Variants in SCARB2 observed in about 807,000 individuals in gnomAD.
SCARB2 encodes scavenger receptor class B member 2.
In SCARB2, 29 loss-of-function variants were observed where a neutral mutation model predicts 58.6. The observed-to-expected ratio is 0.49, with a 90% confidence interval of 0.37 to 0.67. The LOEUF (loss-of-function observed/expected upper bound fraction) is 0.67, where lower values mean the gene tolerates loss of function less well. Among genes scored for constraint, SCARB2 ranks in the 30% least tolerant of loss-of-function variants. SCARB2 has a pLI of 0.00. For synonymous variants in SCARB2, 195 were observed against 210.1 expected (o/e 0.93, Z 0.62); for missense variants, 488 against 578.5 (o/e 0.84, Z 1.60).
At chr4:76,169,744 T>C in intron 8 of SCARB2, 123 bp downstream of exon 8, 1 of 848,426 alleles carries the variant, frequency 1.2e-6, no homozygotes, top group Non-Finnish European at 2.0e-6. Flanking sequence ...GCTGAATTTC[T>C]CCCACTTGAA....
intron 1 of SCARB2, among the ~76,000 whole-genome samples, chr4:76,207,391 A>ATT: frequency 6.6e-5 from 10 of 152,320 alleles, no homozygotes; most frequent in African/African-American, 2.4e-4. Context: ...CAGGAGTTTA[A>ATT]ATTGGATTAT....
intron 7 of SCARB2, chr4:76,172,573 C>T (rs1345006111): frequency 2.6e-5 from 4 of 152,142 alleles, no homozygotes; most frequent in Non-Finnish European, 5.9e-5. Flanking sequence ...TAATAACTCT[C>T]CAGATAATTC....
At chr4:76,168,855 C>T (rs1382495180) in intron 8 of SCARB2, among the ~76,000 whole-genome samples, 1 of 152,252 alleles carries the variant, frequency 6.6e-6, no homozygotes, top group East Asian at 1.9e-4. Context: ...TCTGGATTTC[C>T]AGGCAGTTGT....
In SCARB2 at chr4:76,195,774, T is replaced by C; in HGVS notation, c.208A>G (p.Thr70Ala). Residue 70 changes from threonine to alanine, a missense_variant, in exon 2 of 12, where the codon ACC becomes GCC. Coordinates refer to ENST00000264896, the MANE Select transcript of SCARB2 (RefSeq NM_005506.4). ...CCTCTGAGGATCTCCTCTGGATTGG[T>C]GACATTGAAGAAATAGAACTGAGTA... ...VYTQFYFFNV[T>A]NPEEILRGET... 1.2e-6 allele frequency: 2 copies of C among 1,613,918 alleles called. No individual in the cohort carries two copies. The highest frequency in any genetic ancestry group is 1.7e-6 in the Non-Finnish European group (2 of 1,179,808).
upstream of SCARB2, among the ~76,000 whole-genome samples, chr4:76,216,147 C>T (rs922049994): frequency 6.6e-6 from 1 of 152,138 alleles, no homozygotes. Flanking sequence ...TTTCTCTTCC[C>T]CTAATCCTGC....
chr4:76,213,314 C>T (rs569003103), intron 1 of SCARB2, 113 bp downstream of exon 1: 50 of 773,952 alleles, frequency 6.5e-5, no homozygotes, highest in South Asian at 4.8e-4. Flanking sequence ...AAGAAGAGCT[C>T]TAGCGCGGAG....
chr4:76,215,446 CAGTT>C (rs752906131), upstream of SCARB2, among the ~76,000 whole-genome samples: 1 of 152,192 alleles, frequency 6.6e-6, no homozygotes, highest in Non-Finnish European at 1.5e-5. Context: ...GACAGCAAAT[CAGTT>C]AGGAGGCTTT....
chr4:76,188,742 G>A (rs1732538675), intron 2 of SCARB2, among the ~76,000 whole-genome samples: 1 of 152,200 alleles, frequency 6.6e-6, no homozygotes, highest in Admixed American at 6.5e-5. Context: ...ATCAAATCCA[G>A]TGAATGACCG....
intron 7 of SCARB2, among the ~76,000 whole-genome samples, chr4:76,171,867 T>C (rs1732135418): frequency 6.6e-6 from 1 of 152,036 alleles, no homozygotes; most frequent in South Asian, 2.1e-4. Flanking sequence ...ACGCCATCTT[T>C]ATGGAAATCA....
intron 3 of SCARB2, chr4:76,180,147 G>A (rs1014154249): frequency 2.7e-5 from 6 of 223,504 alleles, no homozygotes; most frequent in Admixed American, 2.1e-4. Context: ...CATATGGAGC[G>A]GTCACCTAGG....
Position 76,179,703 on chromosome 4 carries a change from A to G in SCARB2, c.426T>C (p.Thr142=). 6.2e-7 allele frequency: 1 copy of G among 1,612,976 alleles called. No homozygotes were observed. The highest frequency in any genetic ancestry group is 8.5e-7 in the Non-Finnish European group (1 of 1,179,254). ...LIRTLNIPVL[T]VIEWSQVHFL... ...AGTGCACCTGGGACCACTCTATGAC[A>G]GTCTGCGGAGCAGAGGTATATTAAG... Residue 142 remains threonine, a splice_region_variant and synonymous_variant, in exon 4 of 12, where the codon ACT becomes ACC. Coordinates refer to ENST00000264896, the MANE Select transcript of SCARB2 (RefSeq NM_005506.4).
At chr4:76,171,161 T>G (rs1732121795) in intron 7 of SCARB2, among the ~76,000 whole-genome samples, 1 of 152,078 alleles carries the variant, frequency 6.6e-6, no homozygotes, top group African/African-American at 2.4e-5. Context: ...ATCTCTCACA[T>G]GCACATGCAT....
chr4:76,221,444 G>T (rs1428187983), intron 1 of SCARB2, among the ~76,000 whole-genome samples: 1 of 152,030 alleles, frequency 6.6e-6, no homozygotes, highest in Non-Finnish European at 1.5e-5. Flanking sequence ...TCAGCCTCCC[G>T]AGTAGCTGGG....
At chr4:76,182,462 T>A (rs1692026437) in intron 2 of SCARB2, among the ~76,000 whole-genome samples, 1 of 152,234 alleles carries the variant, frequency 6.6e-6, no homozygotes, top group South Asian at 2.1e-4. Flanking sequence ...TTCTACTTTT[T>A]AAAAAATGTG....
chr4:76,166,195 A>G, intron 10 of SCARB2, 55 bp downstream of exon 10: 1 of 1,540,430 alleles, frequency 6.5e-7, no homozygotes. Context: ...AGACATCATA[A>G]TGGATTTTTT....
At position 76,195,768 on chromosome 4, in the gene SCARB2, G is replaced by A; in HGVS notation, c.214C>T (p.Pro72Ser). ...GTCTCCCCTCTGAGGATCTCCTCTG[G>A]ATTGGTGACATTGAAGAAATAGAAC... ...TQFYFFNVTN[P>S]EEILRGETPR... Residue 72 changes from proline to serine, a missense_variant, in exon 2 of 12, where the codon CCA (proline) becomes TCA (serine). By Grantham distance (74) the Pro-to-Ser change is moderately conservative. Coordinates refer to ENST00000264896, the MANE Select transcript of SCARB2 (RefSeq NM_005506.4). 1 of 1,614,018 alleles carries A rather than the reference G, an allele frequency of 6.2e-7. No homozygotes were observed. The highest frequency in any genetic ancestry group is 8.5e-7 in the Non-Finnish European group (1 of 1,179,882).
chr4:76,165,395 A>C (rs1731985797), intron 10 of SCARB2: 1 of 152,204 alleles, frequency 6.6e-6, no homozygotes, highest in Non-Finnish European at 1.5e-5. Context: ...AGACCAGAAA[A>C]TATCAGGAGT....
intron 8 of SCARB2, among the ~76,000 whole-genome samples, chr4:76,169,317 T>TAC (rs1553947566): frequency 0.017 from 2,111 of 127,396 alleles, 22 homozygotes; most frequent in Middle Eastern, 0.031. Context: ...ATGTGTATTA[T>TAC]ACACACACAC....
At chr4:76,171,989 C>T (rs1236205158) in intron 7 of SCARB2, among the ~76,000 whole-genome samples, 3 of 150,098 alleles carry the variant, frequency 2.0e-5, no homozygotes, top group East Asian at 2.0e-4. Flanking sequence ...CACTTGCGCA[C>T]GTGTGTGTGT....
Sources: gnomAD v4.1 joint callset for allele counts (sites outside exome capture counted in the v4.1 genomes callset) on GRCh38, gnomAD v4.1.1 for gene constraint, MANE v1.5 for transcripts, NCBI Gene and HGNC (gene_info 2026-07-23, HGNC 2026-07-21) for gene names.